Variants in DLEU7 observed in about 807,000 individuals in gnomAD.
The protein encoded by DLEU7 is leukemia-associated protein 7.
Under a neutral mutation model 16.0 loss-of-function variants are expected in DLEU7, and 17 were observed. The observed-to-expected ratio is 1.06, with a 90% CI of 0.73 to 1.59. The LOEUF (loss-of-function observed/expected upper bound fraction) is 1.59, where lower values mean the gene tolerates loss of function less well. Among genes scored for constraint, DLEU7 ranks in the 40% most tolerant of loss-of-function variants. DLEU7 has a pLI of 0.00. For synonymous variants in DLEU7, 113 were observed against 139.8 expected, an observed-to-expected ratio of 0.81 and a Z score of 1.35; for missense variants, 308 against 314.9, an observed-to-expected ratio of 0.98 and a Z score of 0.17.
chr13:50,769,257 A>G (rs1474750494), intron 1 of DLEU7, among the ~76,000 whole-genome samples: 1 of 152,150 alleles, frequency 6.6e-6, no homozygotes, highest in African/African-American at 2.4e-5. Flanking sequence ...CTCTGATGGT[A>G]GTTTCTTTTG....
chr13:50,795,080 G>T (rs1876075541), intron 1 of DLEU7, among the ~76,000 whole-genome samples: 1 of 151,942 alleles, frequency 6.6e-6, no homozygotes, highest in Non-Finnish European at 1.5e-5. Context: ...TGGCCCCAAG[G>T]TGTGAAATCC....
At chr13:50,821,156 A>G (rs1460255126), downstream of DLEU7, among the ~76,000 whole-genome samples, 1 of 152,146 alleles carries the variant, frequency 6.6e-6, no homozygotes, top group African/African-American at 2.4e-5. Flanking sequence ...CTCCAGCCAT[A>G]TTCAGAGCTC....
intron 1 of DLEU7, among the ~76,000 whole-genome samples, chr13:50,725,772 A>C (rs1046453663): frequency 6.6e-6 from 1 of 152,012 alleles, no homozygotes; most frequent in Non-Finnish European, 1.5e-5. Flanking sequence ...AGTTTGATGA[A>C]GTTTTTCTAT....
chr13:50,816,802 A>G (rs1876749447), intron 1 of DLEU7, among the ~76,000 whole-genome samples: 1 of 152,136 alleles, frequency 6.6e-6, no homozygotes, highest in South Asian at 2.1e-4. Flanking sequence ...TTAATTTTCC[A>G]GATTATCCCA....
intron 1 of DLEU7, among the ~76,000 whole-genome samples, chr13:50,761,966 G>A (rs1441319444): frequency 6.6e-6 from 1 of 151,868 alleles, no homozygotes; most frequent in Non-Finnish European, 1.5e-5. Context: ...CGAGGTGGGT[G>A]GATCACAGGG....
At chr13:50,793,123 T>C (rs1297222411) in intron 1 of DLEU7, among the ~76,000 whole-genome samples, 1 of 152,190 alleles carries the variant, frequency 6.6e-6, no homozygotes, top group Non-Finnish European at 1.5e-5. Context: ...AGTGAGAACA[T>C]GCCATATTTG....
chr13:50,714,604 C>A (rs966206813), intron 1 of DLEU7, among the ~76,000 whole-genome samples: 11 of 152,128 alleles, frequency 7.2e-5, no homozygotes, highest in African/African-American at 1.7e-4. Context: ...CTGAAACCAT[C>A]GCTCAAATCT....
chr13:50,713,040 T>G, exon 2 of DLEU7: 1 of 637,922 alleles, frequency 1.6e-6, no homozygotes, highest in Non-Finnish European at 2.7e-6. Flanking sequence ...TAATAAGAAG[T>G]CAGAGATCCA....
intron 1 of DLEU7, among the ~76,000 whole-genome samples, chr13:50,774,475 C>A (rs549353263): frequency 6.6e-6 from 1 of 152,094 alleles, no homozygotes; most frequent in Non-Finnish European, 1.5e-5. Context: ...AGAAACTAGA[C>A]GTCATGTTTA....
At chr13:50,791,904 G>A (rs941595874) in intron 1 of DLEU7, among the ~76,000 whole-genome samples, 7 of 152,122 alleles carry the variant, frequency 4.6e-5, no homozygotes, top group Non-Finnish European at 1.0e-4. Flanking sequence ...TACGGTAACA[G>A]CATTTTTTTA....
intron 1 of DLEU7, among the ~76,000 whole-genome samples, chr13:50,809,590 T>G (rs1421858237): frequency 2.0e-5 from 3 of 152,120 alleles, no homozygotes; most frequent in Non-Finnish European, 2.9e-5. Flanking sequence ...GCATGCAATC[T>G]TACCTTCTGT....
intron 1 of DLEU7, among the ~76,000 whole-genome samples, chr13:50,756,329 C>G (rs1874757181): frequency 6.6e-6 from 1 of 152,066 alleles, no homozygotes; most frequent in Non-Finnish European, 1.5e-5. Context: ...AGGGAAGGCC[C>G]ATCAGGTAGG....
intron 1 of DLEU7, among the ~76,000 whole-genome samples, chr13:50,801,441 T>C (rs1485545342): frequency 6.6e-6 from 1 of 152,122 alleles, no homozygotes; most frequent in Non-Finnish European, 1.5e-5. Flanking sequence ...TGAGTATCCC[T>C]TTTCTGAGCA....
intron 1 of DLEU7, among the ~76,000 whole-genome samples, chr13:50,838,022 T>C (rs1298917383): frequency 6.6e-6 from 1 of 151,996 alleles, no homozygotes; most frequent in Non-Finnish European, 1.5e-5. Flanking sequence ...AGAGAGAAAA[T>C]TGATAGAAAC....
chr13:50,826,467 G>A (rs1470372462), intron 1 of DLEU7, among the ~76,000 whole-genome samples: 8 of 152,114 alleles, frequency 5.3e-5, no homozygotes, highest in Non-Finnish European at 4.4e-5. Flanking sequence ...AAGTGAGGAT[G>A]AGGAAACCAG....
chr13:50,759,393 T>C (rs1040211313), intron 1 of DLEU7, among the ~76,000 whole-genome samples: 1 of 152,234 alleles, frequency 6.6e-6, no homozygotes, highest in East Asian at 1.9e-4. Flanking sequence ...GATTTAGAAG[T>C]TTATGAGATT....
At chr13:50,804,279 AAATGTTT>A (rs1566256621) in intron 1 of DLEU7, among the ~76,000 whole-genome samples, 3 of 152,030 alleles carry the variant, frequency 2.0e-5, no homozygotes, top group Non-Finnish European at 2.9e-5. Flanking sequence ...GACCTGTATT[AAATGTTT>A]ATATTTTTTT....
At chr13:50,828,727 G>A (rs1877169580) in intron 1 of DLEU7, among the ~76,000 whole-genome samples, 2 of 152,078 alleles carry the variant, frequency 1.3e-5, no homozygotes, top group Non-Finnish European at 2.9e-5. Context: ...CCTGTTTTTT[G>A]ACCGAGAAGG....
At chr13:50,790,297 T>TTAAAAA (rs761357589) in intron 1 of DLEU7, among the ~76,000 whole-genome samples, 173 of 152,240 alleles carry the variant, frequency 1.1e-3, no homozygotes, top group African/African-American at 3.9e-3. Context: ...CTTTCTTTTG[T>TTAAAAA]TAAAAATAAA....
Sources: allele counts gnomAD v4.1 joint callset (sites outside exome capture counted in the v4.1 genomes callset), GRCh38; gene constraint gnomAD v4.1.1; transcripts MANE v1.5; gene names NCBI Gene and HGNC (gene_info 2026-07-23, HGNC 2026-07-21).